The following RYR2 variants were observed in gnomAD, a reference collection of about 807,000 sequenced individuals.
RYR2 encodes ryanodine receptor 2.
A neutral mutation model predicts 601.1 loss-of-function variants in RYR2; 227 were observed. The observed-to-expected ratio is 0.38, with a 90% CI of 0.34 to 0.42. The LOEUF is 0.42. Ranked by LOEUF, RYR2 falls within the 10% of genes least tolerant of loss-of-function variation. The pLI, the probability that RYR2 is intolerant of heterozygous loss-of-function variation, is 1.00. For missense variants in RYR2, 4,646 were observed against 6,156.5 expected, an observed-to-expected ratio of 0.75 and a Z score of 8.21; for synonymous variants, 2,223 against 2,175.1, an observed-to-expected ratio of 1.02 and a Z score of -0.61.
At chr1:237,704,966 C>T (rs980565178) in intron 66 of RYR2, among the ~76,000 whole-genome samples, 70 of 151,766 alleles carry the variant, frequency 4.6e-4, no homozygotes, top group African/African-American at 1.7e-3. Context: ...AGGACTAGTC[C>T]AATCAGATAT....
intron 1 of RYR2, among the ~76,000 whole-genome samples, chr1:237,087,172 C>T (rs1666433464): frequency 6.6e-6 from 1 of 152,226 alleles, no homozygotes; most frequent in East Asian, 1.9e-4. Context: ...TCTTTTCTTC[C>T]CTCATTAGTT....
chr1:237,496,468 T>G (rs530512763), intron 19 of RYR2, 43 bp from the exon 20 acceptor site: 1 of 1,593,568 alleles, frequency 6.3e-7, no homozygotes, highest in Admixed American at 1.7e-5. Context: ...CAATGAAAGG[T>G]TTTTTTGGAC....
intron 3 of RYR2, among the ~76,000 whole-genome samples, chr1:237,336,724 G>T (rs908131449): frequency 3.3e-5 from 5 of 151,932 alleles, no homozygotes; most frequent in African/African-American, 1.2e-4. Context: ...GGGTGTGGTG[G>T]CGCACACCTG....
intron 1 of RYR2, among the ~76,000 whole-genome samples, chr1:237,157,034 G>A (rs1374373115): frequency 2.0e-5 from 3 of 152,194 alleles, no homozygotes; most frequent in Non-Finnish European, 2.9e-5. Flanking sequence ...AGTGGCTCAC[G>A]CCTGTAATCC....
chr1:237,529,165 G>T (rs1667868305), intron 24 of RYR2, among the ~76,000 whole-genome samples: 1 of 152,126 alleles, frequency 6.6e-6, no homozygotes, highest in Non-Finnish European at 1.5e-5. Flanking sequence ...CCTCTGGATA[G>T]TGTCTGAATA....
At chr1:237,702,489 T>A (rs1047184174) in intron 66 of RYR2, among the ~76,000 whole-genome samples, 1 of 152,020 alleles carries the variant, frequency 6.6e-6, no homozygotes, top group Non-Finnish European at 1.5e-5. Flanking sequence ...AGAAAAGGTA[T>A]CCCCAGTAAA....
chr1:237,365,785 A>G (rs953679447), intron 5 of RYR2, among the ~76,000 whole-genome samples: 1 of 152,220 alleles, frequency 6.6e-6, no homozygotes, highest in African/African-American at 2.4e-5. Context: ...GGGAAGGGTG[A>G]ATGAAATGGT....
Position 237,276,836 on chromosome 1 carries a change from C to G in RYR2, c.168+6220C>G, listed in dbSNP as rs547045076. ...GGTAGAAGTATTCCCTGACAAGACA[C>G]GCGCCAAGGTCGGATACTCCCTACT... On this transcript the variant is annotated intron_variant, in intron 2 of 104. Coordinates refer to ENST00000366574, the MANE Select transcript of RYR2 (RefSeq NM_001035.3). Among the ~76,000 whole-genome samples the G allele has an allele frequency of 2.6e-5, 4 of 152,238 alleles. 1 individual carries two copies. The South Asian group carries it at 8.3e-4, about 32-fold the overall frequency.
intron 2 of RYR2, among the ~76,000 whole-genome samples, chr1:237,328,707 T>C (rs970323421): frequency 1.3e-5 from 2 of 152,200 alleles, no homozygotes; most frequent in Non-Finnish European, 2.9e-5. Context: ...CATAAAATAA[T>C]TTTAGCTTTA....
At chr1:237,506,568 G>T (rs1665285263) in intron 22 of RYR2, 142 bp from the exon 23 acceptor site, 1 of 540,224 alleles carries the variant, frequency 1.9e-6, no homozygotes, top group African/African-American at 1.9e-5. Flanking sequence ...AGAATGTCGT[G>T]AAATAGATGG....
chr1:237,695,252 A>T (rs1056103692), intron 63 of RYR2, among the ~76,000 whole-genome samples: 1 of 152,180 alleles, frequency 6.6e-6, no homozygotes, highest in African/African-American at 2.4e-5. Context: ...TTAAAACCCA[A>T]TGTTGTCCCT....
At position 237,572,120 on chromosome 1, in the gene RYR2, A is replaced by G. The variant is rs79843107; in HGVS notation, c.3598+2801A>G. 9.0e-3 allele frequency among the ~76,000 whole-genome samples: 1,372 copies of G among 152,248 alleles called. 11 individuals are homozygous for G. Among genetic ancestry groups the G allele is most frequent in the Middle Eastern group, 0.038 (11 of 292 alleles). On this transcript the variant is annotated intron_variant, in intron 29 of 104. Coordinates refer to ENST00000366574, the MANE Select transcript of RYR2 (RefSeq NM_001035.3). ...CTCCGGGTGGTGAAATTAGTGCTCT[A>G]ACCCTCCCCTACCTGTCTCCCTTTC...
chr1:237,294,465 A>C (rs1182207471), intron 2 of RYR2, among the ~76,000 whole-genome samples: 1 of 152,072 alleles, frequency 6.6e-6, no homozygotes, highest in Non-Finnish European at 1.5e-5. Context: ...CCAAATCTCA[A>C]TGGCTTTCAA....
At chr1:237,214,229 CTTA>C (rs1396626542) in intron 1 of RYR2, among the ~76,000 whole-genome samples, 1 of 152,042 alleles carries the variant, frequency 6.6e-6, no homozygotes, top group Non-Finnish European at 1.5e-5. Context: ...CCCTAATCAA[CTTA>C]TTATCTTATT....
chr1:237,358,474 C>T lies in RYR2; in HGVS notation c.294+2489C>T, dbSNP rs566175518. On this transcript the variant is annotated intron_variant, in intron 4 of 104. Transcript: ENST00000366574. ...ATCATAGTGTCATGCACTGGGCTTG[C>T]CAGGTTTCTAATGCTGACTTTCTCT... 2.8e-3 allele frequency among the ~76,000 whole-genome samples: 424 copies of T among 151,716 alleles called. 1 individual carries two copies. The highest frequency in any genetic ancestry group is 9.8e-3 in the African/African-American group (406 of 41,364).
intron 1 of RYR2, among the ~76,000 whole-genome samples, chr1:237,220,242 T>G (rs759166764): frequency 1.3e-5 from 2 of 152,210 alleles, no homozygotes; most frequent in Non-Finnish European, 2.9e-5. Context: ...AATAGGCAGA[T>G]GAAAGGGAAT....
chr1:237,395,514 C>T (rs1037468680), intron 10 of RYR2, among the ~76,000 whole-genome samples: 8 of 146,926 alleles, frequency 5.4e-5, no homozygotes, highest in South Asian at 2.2e-4. Flanking sequence ...ATTGAGGACA[C>T]GTCCGCTAGT....
At chr1:237,337,819 C>G (rs61406707) in intron 3 of RYR2, among the ~76,000 whole-genome samples, 21,409 of 152,112 alleles carry the variant, frequency 0.14, 1,723 homozygotes, top group East Asian at 0.34. Flanking sequence ...TTACCTGAAG[C>G]CCCTAGCTAT....
intron 38 of RYR2, among the ~76,000 whole-genome samples, chr1:237,620,889 C>T (rs184491764): frequency 2.6e-4 from 39 of 152,192 alleles, no homozygotes; most frequent in South Asian, 6.2e-4. Context: ...AGCTATGACA[C>T]GGAAAAACTC....
Sources: gnomAD v4.1 joint callset for allele counts (sites outside exome capture counted in the v4.1 genomes callset) on GRCh38, gnomAD v4.1.1 for gene constraint, MANE v1.5 for transcripts, NCBI Gene and HGNC (gene_info 2026-07-23, HGNC 2026-07-21) for gene names.